The following VSX2 variants were observed in gnomAD, a reference collection of about 807,000 sequenced individuals.
The protein encoded by VSX2 is ceh-10 homeo domain containing homolog.
VSX2 carries 28 observed loss-of-function variants against 32.1 expected under a neutral mutation model. The ratio of observed to expected loss-of-function variants is 0.87; its 90% CI spans 0.65 to 1.20. The LOEUF (loss-of-function observed/expected upper bound fraction) is 1.20. Ranked by LOEUF, VSX2 falls within the 50% of genes most tolerant of loss-of-function variation. The pLI is 0.00. For synonymous variants in VSX2, 243 were observed against 214.1 expected (o/e 1.14, Z -1.18); for missense variants, 506 against 488.7 (o/e 1.04, Z -0.33).
At position 74,239,667 on chromosome 14, in the gene VSX2, G is replaced by T; in HGVS notation, c.106G>T (p.Glu36Ter). 2 of 1,550,600 alleles carry T rather than the reference G, an allele frequency of 1.3e-6. No individual in the cohort carries two copies. The highest frequency in any genetic ancestry group is 1.7e-6 in the Non-Finnish European group (2 of 1,146,926). Reference sequence around the variant, plus strand: ...CAGGTGCACTGGGTTCGGCATCCAGGAGATCCTGGGCTTGAACAAGGAGCC... The same window carrying T: ...CAGGTGCACTGGGTTCGGCATCCAGTAGATCCTGGGCTTGAACAAGGAGCC... The part of the protein sequence containing the change: ...PARCTGFGIQ[E>*]ILGLNKEPPS... The change falls in exon 1 of 5, where the codon GAG becomes TAG. Residue 36 changes from glutamate (E) to a stop codon, truncating the protein, a stop_gained. Coordinates refer to ENST00000261980, the MANE Select transcript of VSX2 (RefSeq NM_182894.3). LOFTEE classifies it high-confidence loss of function.
At chr14:74,256,097 T>C (rs1379390038) in intron 3 of VSX2, among the ~76,000 whole-genome samples, 1 of 152,156 alleles carries the variant, frequency 6.6e-6, no homozygotes, top group Non-Finnish European at 1.5e-5. Context: ...CTTGTTTTAT[T>C]AGGTTGGTGC....
chr14:74,241,832 G>A (rs1341845507), intron 2 of VSX2, among the ~76,000 whole-genome samples: 1 of 152,200 alleles, frequency 6.6e-6, no homozygotes, highest in Non-Finnish European at 1.5e-5. Flanking sequence ...CCTTCTGTGA[G>A]CCTCAGTTTC....
chr14:74,246,122 G>A (rs1162073030), intron 3 of VSX2, among the ~76,000 whole-genome samples: 1 of 152,242 alleles, frequency 6.6e-6, no homozygotes, highest in East Asian at 1.9e-4. Context: ...GGAGTGGGGT[G>A]GGAGGAACAT....
rs2079300324 is a variant in VSX2, at chr14:74,260,722, T to A, written c.889T>A (p.Ser297Thr). The A allele has an allele frequency of 6.3e-7, 1 of 1,592,922 alleles. No individual in the cohort carries two copies. The highest frequency in any genetic ancestry group is 1.8e-5 in the Admixed American group (1 of 56,368). Reference sequence around the variant, plus strand: ...GGGCCCCGACGCTCAGGCGGCCATCTCCCAGGAGGAACTGAGGGAGAACAG... The same window carrying A: ...GGGCCCCGACGCTCAGGCGGCCATCACCCAGGAGGAACTGAGGGAGAACAG... ...ERGPDAQAAI[S>T]QEELRENSIA... Residue 297 changes from serine to threonine, a missense_variant, in exon 5 of 5, where the codon TCC becomes ACC. Transcript: ENST00000261980.
Position 74,239,844 on chromosome 14 carries a change from G to A in VSX2, c.283G>A (p.Glu95Lys). The change falls in exon 1 of 5, where the codon GAA (glutamate) becomes AAA (lysine). Residue 95 changes from glutamate to lysine, a missense_variant. Physicochemically the swap from Glu to Lys is moderately conservative, Grantham distance 56 (BLOSUM62 1). Transcript: ENST00000261980. ...CTTCTACACGCAGCCCACCTTCCTG[G>A]AAGTGCTGTCCGACCCGCAGAGCGT... ...PGFYTQPTFL[E>K]VLSDPQSVHL... 2 of 1,578,596 alleles carry A rather than the reference G, an allele frequency of 1.3e-6. No homozygotes were observed. Among genetic ancestry groups the A allele is most frequent in the East Asian group, 2.3e-5 (1 of 43,558 alleles).
Position 74,258,061 on chromosome 14 carries a change from G to A in VSX2, c.580-1541G>A, listed in dbSNP as rs1045200462. The stretch of plus-strand genomic sequence containing the variant: ...GGGGGCCGCGAGGGGCTGCCGGGGG[G>A]AAGGGGGAAAATCCTAAACAAATTA... On this transcript the variant is annotated intron_variant, in intron 3 of 4. Transcript: ENST00000261980. Among the ~76,000 whole-genome samples, 3 of 152,108 alleles carry A rather than the reference G, an allele frequency of 2.0e-5. No individual in the cohort carries two copies. The East Asian group carries it at 5.9e-4, about 30-fold the overall frequency.
chr14:74,239,790 G>A lies in VSX2; in HGVS notation c.229G>A (p.Gly77Arg), dbSNP rs762364076. ...CAGCCCCGCGGGGGTGGGCGGCATG[G>A]GGCTTCTGGGGCCCGGGGGGCTCCC... ...VLSPAGVGGM[G>R]LLGPGGLPGF... The change falls in exon 1 of 5, where the codon GGG becomes AGG. Residue 77 changes from glycine to arginine, a missense_variant. Coordinates refer to ENST00000261980, the MANE Select transcript of VSX2 (RefSeq NM_182894.3). 1 of 1,564,032 alleles carries A rather than the reference G, an allele frequency of 6.4e-7. No individual in the cohort carries two copies. Among genetic ancestry groups the A allele is most frequent in the Non-Finnish European group, 8.7e-7 (1 of 1,155,502 alleles).
chr14:74,244,969 T>TGTGTGG lies in VSX2; in HGVS notation c.456-191_456-190insGGTGTG, dbSNP rs1566884579. ...AAGTGTGTGTGTGTGTGTGTGTGTG[T>TGTGTGG]GTGTGTGTGTGTGAGAGAGAGAGAG... On this transcript the variant is annotated intron_variant, in intron 2 of 4. Coordinates refer to ENST00000261980, the MANE Select transcript of VSX2 (RefSeq NM_182894.3). 2.4e-5 allele frequency among the ~76,000 whole-genome samples: 2 copies of TGTGTGG among 81,756 alleles called. 1 individual carries two copies. The highest frequency in any genetic ancestry group is 4.9e-5 in the Non-Finnish European group (2 of 40,702). The allele number at this position is 81,756 out of a possible 152,430, so 53.6% of individuals were successfully genotyped here. A position where few individuals can be genotyped will look rare whatever the true frequency, so the allele number is the denominator to read the frequency against.
At chr14:74,257,188 C>T (rs1027360540) in intron 3 of VSX2, among the ~76,000 whole-genome samples, 14 of 152,216 alleles carry the variant, frequency 9.2e-5, no homozygotes, top group Non-Finnish European at 1.8e-4. Flanking sequence ...GGAGCCAGGC[C>T]GGGACGCAGG....
At chr14:74,253,128 G>A (rs200848391) in intron 3 of VSX2, among the ~76,000 whole-genome samples, 1 of 151,914 alleles carries the variant, frequency 6.6e-6, no homozygotes, top group East Asian at 1.9e-4. Flanking sequence ...ACTTTGTCCT[G>A]GGACTCCAAA....
chr14:74,250,955 G>A (rs960708416), intron 3 of VSX2, among the ~76,000 whole-genome samples: 2 of 151,700 alleles, frequency 1.3e-5, no homozygotes, highest in Non-Finnish European at 2.9e-5. Context: ...CCCCAGGGCA[G>A]ATTTTTAAAA....
At chr14:74,259,191 G>A (rs926084101) in intron 3 of VSX2, among the ~76,000 whole-genome samples, 1 of 152,248 alleles carries the variant, frequency 6.6e-6, no homozygotes, top group African/African-American at 2.4e-5. Context: ...GAAGCCCTGA[G>A]CCAGAGACAC....
chr14:74,247,654 G>A (rs145035983), intron 3 of VSX2, among the ~76,000 whole-genome samples: 4 of 152,264 alleles, frequency 2.6e-5, no homozygotes, highest in East Asian at 1.9e-4. Context: ...ACTCTGAATC[G>A]AAAGCCCACA....
At position 74,260,783 on chromosome 14, in the gene VSX2, G is replaced by A. The variant is rs781547325; in HGVS notation, c.950G>A (p.Ser317Asn). 6.6e-5 allele frequency: 104 copies of A among 1,578,242 alleles called. No homozygotes were observed. Among genetic ancestry groups the A allele is most frequent in the Non-Finnish European group, 8.4e-5 (98 of 1,162,232 alleles). The stretch of plus-strand genomic sequence containing the variant: ...CTCCGGGCCAAAGCTCAGGAGCACA[G>A]CACCAAAGTGCTGGGGACTGTGTCT... The part of the protein sequence containing the change: ...AVLRAKAQEH[S>N]TKVLGTVSGP... Residue 317 changes from serine (S) to asparagine (N), a missense_variant, in exon 5 of 5, where the codon AGC (serine) becomes AAC (asparagine). By Grantham distance (46) the Ser-to-Asn change is conservative. Transcript: ENST00000261980.
chr14:74,260,659 G>A lies in VSX2; in HGVS notation c.826G>A (p.Ala276Thr). The A allele has an allele frequency of 6.2e-7, 1 of 1,603,058 alleles. No individual in the cohort carries two copies. Among genetic ancestry groups the A allele is most frequent in the Non-Finnish European group, 8.5e-7 (1 of 1,175,568 alleles). The change falls in exon 5 of 5, where the codon GCC becomes ACC. Residue 276 changes from alanine (A) to threonine (T), a missense_variant. Transcript: ENST00000261980. The stretch of plus-strand genomic sequence containing the variant: ...GAGGAAGCCCGAGGGGGAACGCCAG[G>A]CCCTGCCCAAGCTCGACAAGATGGA... ...SGRKPEGERQ[A>T]LPKLDKMEQD...
chr14:74,254,848 C>T (rs958384975), intron 3 of VSX2, among the ~76,000 whole-genome samples: 5 of 143,218 alleles, frequency 3.5e-5, no homozygotes, highest in African/African-American at 5.3e-5. Flanking sequence ...GGCATGATCT[C>T]GGCTCACTGC....
Position 74,239,555 on chromosome 14 carries a change from C to A in VSX2, c.-7C>A. 1 of 1,550,996 alleles carries A rather than the reference C, an allele frequency of 6.4e-7. No individual in the cohort carries two copies. The highest frequency in any genetic ancestry group is 8.7e-7 in the Non-Finnish European group (1 of 1,146,970). On this transcript the variant is annotated 5_prime_UTR_variant, in exon 1 of 5. Transcript: ENST00000261980. ...CTGCGGCCTCAGCCCCTCCAAAGAA[C>A]AGGGAGATGACGGGGAAAGCAGGGG...
intron 3 of VSX2, among the ~76,000 whole-genome samples, chr14:74,254,282 G>C (rs1468452306): frequency 2.0e-5 from 3 of 151,898 alleles, no homozygotes; most frequent in Admixed American, 6.6e-5. Context: ...GTGCTGCCAG[G>C]TGCCTGTAAT....
chr14:74,249,758 C>A (rs1232451828), intron 3 of VSX2, among the ~76,000 whole-genome samples: 2 of 152,094 alleles, frequency 1.3e-5, no homozygotes, highest in Admixed American at 1.3e-4. Context: ...TGTAATAATG[C>A]AAAGAACAGT....
Sources: gnomAD v4.1 joint callset for allele counts (sites outside exome capture counted in the v4.1 genomes callset) on GRCh38, gnomAD v4.1.1 for gene constraint, MANE v1.5 for transcripts, NCBI Gene and HGNC (gene_info 2026-07-23, HGNC 2026-07-21) for gene names.